ASB4: variants seen among roughly 807,000 people sequenced by gnomAD.
ASB4 encodes the protein ankyrin repeat and SOCS box containing 4, also known as ankyrin repeat and SOCS box protein 4.
ASB4 carries 35 observed loss-of-function variants against 38.6 expected under a neutral mutation model. The observed-to-expected ratio is 0.91, with a 90% CI of 0.69 to 1.20. The LOEUF (loss-of-function observed/expected upper bound fraction) is 1.20. Among genes scored for constraint, ASB4 ranks in the 50% most tolerant of loss-of-function variants. The probability of loss-of-function intolerance (pLI) is 0.00; values close to 1 mark genes in which losing one functional copy is unlikely to be tolerated. For missense variants in ASB4, 557 were observed against 527.2 expected (o/e 1.06, Z -0.55); for synonymous variants, 195 against 201.3 (o/e 0.97, Z 0.26).
At chr7:95,515,167 C>CTCCTTCTTTCTT (rs1790539723) in intron 2 of ASB4, among the ~76,000 whole-genome samples, 3 of 89,756 alleles carry the variant, frequency 3.3e-5, no homozygotes, top group Non-Finnish European at 7.0e-5. Context: ...CTTTCTCTTT[C>CTCCTTCTTTCTT]TCTTTCTTTC....
At chr7:95,536,292 C>T in intron 3 of ASB4, 145 bp from the exon 4 acceptor site, 1 of 544,664 alleles carries the variant, frequency 1.8e-6, no homozygotes, top group East Asian at 3.1e-5. Context: ...TCAAGCAATC[C>T]TCCTGCCTCA....
At chr7:95,520,396 G>A (rs1790644589) in intron 2 of ASB4, among the ~76,000 whole-genome samples, 2 of 152,126 alleles carry the variant, frequency 1.3e-5, no homozygotes, top group South Asian at 4.1e-4. Flanking sequence ...ATACAAACAA[G>A]CTCAACTGGT....
At chr7:95,471,850 TA>T in the ASB4 span, 1 of 110,140 alleles carries the variant, frequency 9.1e-6, no homozygotes, top group Non-Finnish European at 2.2e-5. Context: ...TATGCTTTCT[TA>T]GGCAGGTACT....
the ASB4 span, among the ~76,000 whole-genome samples, chr7:95,472,593 G>T: frequency 6.6e-6 from 1 of 152,050 alleles, no homozygotes; most frequent in Admixed American, 6.5e-5. Context: ...TTCCTCACAG[G>T]GAAAAGCAGT....
chr7:95,526,725 C>T (rs1790741825), intron 2 of ASB4, among the ~76,000 whole-genome samples: 1 of 152,134 alleles, frequency 6.6e-6, no homozygotes, highest in South Asian at 2.1e-4. Context: ...TGGTTAAGTG[C>T]TTAATAAATA....
rs772979304 is a variant in ASB4, at chr7:95,528,215, C to A, written c.890C>A (p.Ser297Tyr). Residue 297 changes from serine to tyrosine, a missense_variant, in exon 3 of 5, where the codon TCC (serine) becomes TAC (tyrosine). Transcript: ENST00000325885. ...AAIQYVLKVT[S>Y]VRPAAQPEIC... ...ATCCAGTACGTGCTGAAGGTCACCT[C>A]CGTGCGCCCTGCTGCCCAGCCTGAG... The A allele has an allele frequency of 3.1e-6, 5 of 1,614,202 alleles. 1 individual carries two copies. In the South Asian group the frequency reaches 5.5e-5, roughly 18 times the overall value.
chr7:95,536,018 T>C (rs1017468034), intron 3 of ASB4, among the ~76,000 whole-genome samples: 9 of 152,260 alleles, frequency 5.9e-5, no homozygotes, highest in African/African-American at 9.6e-5. Flanking sequence ...GCTTCAATTA[T>C]GTACAAAGGC....
intron 2 of ASB4, among the ~76,000 whole-genome samples, chr7:95,521,013 G>A (rs1363832132): frequency 2.0e-5 from 3 of 151,644 alleles, no homozygotes; most frequent in Admixed American, 6.6e-5. Context: ...TGCAAATTTT[G>A]TGGGGAAAAA....
At chr7:95,531,389 C>T (rs1366899325) in intron 3 of ASB4, among the ~76,000 whole-genome samples, 1 of 152,232 alleles carries the variant, frequency 6.6e-6, no homozygotes, top group Non-Finnish European at 1.5e-5. Context: ...CGTTCAAAGA[C>T]TACTTTCCCT....
At chr7:95,517,877 G>C (rs1432348847) in intron 2 of ASB4, among the ~76,000 whole-genome samples, 2 of 152,160 alleles carry the variant, frequency 1.3e-5, no homozygotes, top group African/African-American at 2.4e-5. Flanking sequence ...CTAAAAGGGA[G>C]AAAAGAGTTG....
chr7:95,480,973 C>T (rs994991806), upstream of ASB4, among the ~76,000 whole-genome samples: 2 of 151,986 alleles, frequency 1.3e-5, no homozygotes, highest in Non-Finnish European at 2.9e-5. Context: ...TGAAAAAAAC[C>T]ATATAAAAAT....
chr7:95,488,233 C>T (rs1418700876), intron 1 of ASB4, among the ~76,000 whole-genome samples: 2 of 152,166 alleles, frequency 1.3e-5, no homozygotes, highest in Non-Finnish European at 2.9e-5. Context: ...CCCAGCTACT[C>T]CCGAGGCTGA....
downstream of ASB4, chr7:95,540,360 G>A (rs1019534028): frequency 6.6e-6 from 1 of 152,140 alleles, no homozygotes; most frequent in Non-Finnish European, 1.5e-5. Context: ...GAGAATCAGG[G>A]ATTGTGCCTG....
chr7:95,480,249 CTGTT>C (rs1321504642), intron 1 of ASB4, among the ~76,000 whole-genome samples: 1 of 152,192 alleles, frequency 6.6e-6, no homozygotes, highest in Non-Finnish European at 1.5e-5. Flanking sequence ...ATCTTACTGT[CTGTT>C]TTTTTGTCTG....
chr7:95,507,320 A>T (rs933392935), intron 2 of ASB4, among the ~76,000 whole-genome samples: 2 of 151,722 alleles, frequency 1.3e-5, no homozygotes, highest in African/African-American at 4.8e-5. Flanking sequence ...GTGCTAAGTT[A>T]GGGGAAAAGG....
intron 3 of ASB4, among the ~76,000 whole-genome samples, chr7:95,529,946 C>T (rs1303842439): frequency 6.6e-6 from 1 of 152,008 alleles, no homozygotes; most frequent in Non-Finnish European, 1.5e-5. Flanking sequence ...ATTTACTTAA[C>T]ACCTCCGAAG....
At chr7:95,479,808 C>T (rs1790008500) in intron 1 of ASB4, among the ~76,000 whole-genome samples, 1 of 152,126 alleles carries the variant, frequency 6.6e-6, no homozygotes, top group Non-Finnish European at 1.5e-5. Flanking sequence ...GAAATAAATG[C>T]ATATTCATCA....
intron 2 of ASB4, among the ~76,000 whole-genome samples, chr7:95,509,345 T>A (rs747249554): frequency 2.2e-4 from 33 of 151,866 alleles, no homozygotes; most frequent in Non-Finnish European, 4.6e-4. Flanking sequence ...CAGGCCAGAG[T>A]TAAGCATCCC....
rs1234084293 is a variant in ASB4, at chr7:95,513,251, TTG to T, written c.488-14560_488-14559del. On this transcript the variant is annotated intron_variant, in intron 2 of 4. Transcript: ENST00000325885. ...TGTCAGGGTTTTTTTTGTTTTTTGT[TTG>T]TTTTTTTTTTTTTTTTTTTTTAGAA... Among the ~76,000 whole-genome samples, 1,027 of 113,574 alleles carry T rather than the reference TTG, an allele frequency of 9.0e-3. 26 individuals carry two copies. Among genetic ancestry groups the T allele is most frequent in the African/African-American group, 0.031 (892 of 29,044 alleles). The allele number at this position is 113,574 out of a possible 152,430, so 74.5% of individuals were successfully genotyped here.
Sources: gnomAD v4.1 joint callset for allele counts (sites outside exome capture counted in the v4.1 genomes callset) on GRCh38, gnomAD v4.1.1 for gene constraint, MANE v1.5 for transcripts, NCBI Gene and HGNC (gene_info 2026-07-23, HGNC 2026-07-21) for gene names.